The following PDK4 variants were observed in gnomAD, a reference collection of about 807,000 sequenced individuals.
The protein encoded by PDK4 is pyruvate dehydrogenase kinase 4, also known as pyruvate dehydrogenase kinase, isozyme 4.
Under a neutral mutation model 51.7 loss-of-function variants are expected in PDK4, and 43 were observed. The ratio of observed to expected loss-of-function variants is 0.83; its 90% CI spans 0.65 to 1.07. PDK4 has a LOEUF of 1.07. Ranked by LOEUF, PDK4 falls within the 50% of genes least tolerant of loss-of-function variation. PDK4 has a pLI of 0.00. For missense variants in PDK4, 498 were observed against 503.5 expected (o/e 0.99, Z 0.10); for synonymous variants, 170 against 176.6 (o/e 0.96, Z 0.30).
chr7:95,594,497 T>G (rs1471444518), intron 2 of PDK4, among the ~76,000 whole-genome samples: 2 of 152,142 alleles, frequency 1.3e-5, no homozygotes, highest in Non-Finnish European at 2.9e-5. Flanking sequence ...AGGCATATAC[T>G]TTAATCTCTT....
At chr7:95,596,066 T>A in intron 1 of PDK4, 98 bp downstream of exon 1, 1 of 1,297,976 alleles carries the variant, frequency 7.7e-7, no homozygotes, top group Non-Finnish European at 1.0e-6. Flanking sequence ...TGAACCCCAG[T>A]TGTTTTAGCT....
In PDK4 at chr7:95,587,503, G is replaced by A. The variant is rs781255760; in HGVS notation, c.896C>T (p.Pro299Leu). Residue 299 changes from proline to leucine, a missense_variant, in exon 9 of 11, where the codon CCC becomes CTC. Pro to Leu is a moderately conservative substitution (Grantham distance 98, BLOSUM62 -3). Transcript: ENST00000005178. ...IKISDRGGGV[P>L]LRIIDRLFSY... is the part of the protein sequence containing the mutation. ...AAAGAGGCGGTCAATAATTCTCAGG[G>A]GAACACCACCTCCTCTGTCTGAAAT... 6 of 1,604,746 alleles carry A rather than the reference G, an allele frequency of 3.7e-6. No homozygotes were observed. Among genetic ancestry groups the A allele is most frequent in the Non-Finnish European group, 5.1e-6 (6 of 1,171,574 alleles).
intron 6 of PDK4, among the ~76,000 whole-genome samples, 175 bp downstream of exon 6, chr7:95,591,813 T>A: frequency 6.6e-6 from 1 of 152,302 alleles, no homozygotes; most frequent in East Asian, 1.9e-4. Flanking sequence ...ATAGGCAGAA[T>A]TGGAGCCTTC....
rs750291433 is a variant in PDK4, at chr7:95,592,896, G to A, written c.393C>T (p.Val131=). 2.5e-6 allele frequency: 4 copies of A among 1,611,450 alleles called. No individual in the cohort carries two copies. In the Admixed American group the frequency reaches 6.7e-5, roughly 27 times the overall value. Residue 131 remains valine (V), a synonymous_variant, in exon 4 of 11, where the codon GTC becomes GTT. Coordinates refer to ENST00000005178, the MANE Select transcript of PDK4 (RefSeq NM_002612.4). ...CTATGATTCCTTGTGCCATTGTAGG[G>A]ACTACATTATGGTGTCTATTTCGAA... ...IKVRNRHHNV[V]PTMAQGIIEY... is the part of the protein sequence containing the mutation.
chr7:95,589,288 T>C (rs1791523234), intron 7 of PDK4, among the ~76,000 whole-genome samples: 1 of 152,030 alleles, frequency 6.6e-6, no homozygotes, highest in Admixed American at 6.5e-5. Context: ...GGGGTGGAGG[T>C]AACAAGGCCT....
rs1284738196 is a variant in PDK4 at position 95,596,340 on chromosome 7, C to G, written c.-47G>C. The G allele has an allele frequency of 6.5e-7, 1 of 1,534,982 alleles. No homozygotes were observed. ...CGGGGACTGTGGCTGGCTTGAGGGG[C>G]GAAGGCTGCTCGGAGCAGAGCCTGG... On this transcript the variant is annotated 5_prime_UTR_variant, in exon 1 of 11. Transcript: ENST00000005178.
chr7:95,595,969 A>G (rs1791613955), intron 1 of PDK4, among the ~76,000 whole-genome samples, 195 bp downstream of exon 1: 1 of 152,160 alleles, frequency 6.6e-6, no homozygotes, highest in African/African-American at 2.4e-5. Flanking sequence ...GGTGGCCTTG[A>G]CCTGGAGGCA....
chr7:95,586,015 T>G (rs536818563), intron 10 of PDK4, among the ~76,000 whole-genome samples: 9 of 152,254 alleles, frequency 5.9e-5, no homozygotes, highest in African/African-American at 1.9e-4. Flanking sequence ...CTATTTCAGA[T>G]GGTGAAAAGG....
chr7:95,587,582 G>T, intron 8 of PDK4, 54 bp from the exon 9 acceptor site: 1 of 1,300,664 alleles, frequency 7.7e-7, no homozygotes, highest in Non-Finnish European at 1.1e-6. Context: ...ATGTGCATTT[G>T]TCTAAATAAA....
Position 95,592,944 on chromosome 7 carries a change from G to T in PDK4, c.345C>A (p.Asp115Glu), listed in dbSNP as rs746307983. 6.4e-7 allele frequency: 1 copy of T among 1,565,330 alleles called. No individual in the cohort carries two copies. The highest frequency in any genetic ancestry group is 8.7e-7 in the Non-Finnish European group (1 of 1,150,496). ...GAACTTTGATGAGTGTATCTACAAA[G>T]CTAAGCCACAATATTTATGGTTAGT... is the stretch of plus-strand genomic sequence containing the variant. ...KSPDDQKALS[D>E]FVDTLIKVRN... Residue 115 changes from aspartate (D) to glutamate (E), a missense_variant and splice_region_variant, in exon 4 of 11, where the codon GAC (aspartate) becomes GAA (glutamate). Asp to Glu is a conservative substitution (Grantham distance 45). Transcript: ENST00000005178.
At position 95,593,714 on chromosome 7, in the gene PDK4, TG is replaced by T; in HGVS notation, c.328del (p.Gln110ArgfsTer8). 1.3e-6 allele frequency: 2 copies of T among 1,540,306 alleles called. No individual in the cohort carries two copies. The highest frequency in any genetic ancestry group is 1.8e-6 in the Non-Finnish European group (2 of 1,112,820). Reference sequence around the variant, plus strand: ...TAGAGCTTACTCTGATAATGCTTTCTGGTCATCTGGGCTTTTCTCATGGAAT... The same window carrying T: ...TAGAGCTTACTCTGATAATGCTTTCTGTCATCTGGGCTTTTCTCATGGAAT... ...VEFHEKSPDD[Q>X]KALSDFVDTL... On this transcript the variant is annotated frameshift_variant, in exon 3 of 11. Transcript: ENST00000005178. LOFTEE classifies it high-confidence loss of function.
intron 3 of PDK4, 79 bp downstream of exon 3, chr7:95,593,620 T>C: frequency 1.4e-6 from 1 of 720,958 alleles, no homozygotes; most frequent in Non-Finnish European, 2.5e-6. Context: ...ATTCCTTTAA[T>C]TTAGGTCTAA....
chr7:95,589,631 G>A lies in PDK4; in HGVS notation c.771+9C>T. 1.5e-6 allele frequency: 2 copies of A among 1,358,284 alleles called. No homozygotes were observed. The highest frequency in any genetic ancestry group is 1.8e-4 in the Middle Eastern group (1 of 5,578). 84.1% of individuals were successfully genotyped at this position (1,358,284 alleles called of 1,614,324 possible). On this transcript the variant is annotated intron_variant, in intron 7 of 10. Coordinates refer to ENST00000005178, the MANE Select transcript of PDK4 (RefSeq NM_002612.4). The stretch of plus-strand genomic sequence containing the variant: ...AAGGTAAAATTTCAATTATTGTGAA[G>A]TATCATACCTTAAATAGTTCAAAGA...
chr7:95,587,104 A>G lies in PDK4; in HGVS notation c.1001T>C (p.Leu334Ser), dbSNP rs1446185230. The G allele has an allele frequency of 6.2e-7, 1 of 1,610,540 alleles. No individual in the cohort carries two copies. The highest frequency in any genetic ancestry group is 2.2e-5 in the East Asian group (1 of 44,850). Reference protein sequence around the residue: ...NAPLAGFGYGLPISRLYAKYF... With the variant: ...NAPLAGFGYGSPISRLYAKYF... ...CTTTGCATACAGACGAGAAATTGGCAAGCCGTAACCAAAACCAGCCTAGAG... is the reference window on the plus strand; with the variant it reads ...CTTTGCATACAGACGAGAAATTGGCGAGCCGTAACCAAAACCAGCCTAGAG... The change falls in exon 10 of 11, where the codon TTG becomes TCG. Residue 334 changes from leucine to serine, a missense_variant. By Grantham distance (145) the Leu-to-Ser change is moderately radical. Transcript: ENST00000005178.
In PDK4 at chr7:95,585,567, C is replaced by A; in HGVS notation, c.*74G>T. 6.1e-6 allele frequency: 8 copies of A among 1,308,068 alleles called. No homozygotes were observed. Among genetic ancestry groups the A allele is most frequent in the Non-Finnish European group, 3.2e-6 (3 of 948,870 alleles). 81.0% of individuals were successfully genotyped at this position (1,308,068 alleles called of 1,614,324 possible). On this transcript the variant is annotated 3_prime_UTR_variant, in exon 11 of 11. Transcript: ENST00000005178. ...GTTTGTTTTGGAGGAAACAAGGGTT[C>A]ACACACAAACATTCAGGAAGCAGCA...
At chr7:95,590,318 T>A (rs1419769395) in intron 6 of PDK4, among the ~76,000 whole-genome samples, 1 of 152,158 alleles carries the variant, frequency 6.6e-6, no homozygotes, top group Non-Finnish European at 1.5e-5. Context: ...TTTTTCTTGT[T>A]TTTTGTATCA....
intron 7 of PDK4, among the ~76,000 whole-genome samples, chr7:95,588,234 T>C (rs1339329309): frequency 6.6e-6 from 1 of 152,186 alleles, no homozygotes; most frequent in Non-Finnish European, 1.5e-5. Flanking sequence ...AACCAATTTA[T>C]TGGCTTTCAT....
In PDK4 at chr7:95,596,218, G is replaced by A. The variant is rs1182859831; in HGVS notation, c.76C>T (p.His26Tyr). ...GAGLVPREVE[H>Y]FSRYSPSPLS... Reference sequence around the variant, plus strand: ...GGGGACGGGCTGTAGCGCGAGAAATGCTCCACCTCTCGGGGCACCAGGCCG... The same window carrying A: ...GGGGACGGGCTGTAGCGCGAGAAATACTCCACCTCTCGGGGCACCAGGCCG... The change falls in exon 1 of 11, where the codon CAT becomes TAT. Residue 26 changes from histidine to tyrosine, a missense_variant. Physicochemically the swap from His to Tyr is moderately conservative, Grantham distance 83. Transcript: ENST00000005178. 6.2e-7 allele frequency: 1 copy of A among 1,606,922 alleles called. No homozygotes were observed. The highest frequency in any genetic ancestry group is 1.4e-5 in the African/African-American group (1 of 74,072).
intron 9 of PDK4, 94 bp from the exon 10 acceptor site, chr7:95,587,217 CT>C: frequency 1.3e-6 from 1 of 771,734 alleles, no homozygotes; most frequent in South Asian, 1.6e-5. Flanking sequence ...TACTAATGTC[CT>C]AGAACCTAAA....
Sources: gnomAD v4.1 joint callset for allele counts (sites outside exome capture counted in the v4.1 genomes callset) on GRCh38, gnomAD v4.1.1 for gene constraint, MANE v1.5 for transcripts, NCBI Gene and HGNC (gene_info 2026-07-23, HGNC 2026-07-21) for gene names.